ZNF804A: variants seen among roughly 807,000 people sequenced by gnomAD.
The protein encoded by ZNF804A is zinc finger protein 804A.
ZNF804A carries 2 observed loss-of-function variants against 16.5 expected under a neutral mutation model. That is an observed-to-expected ratio of 0.12 (90% confidence interval 0.05 to 0.38). The LOEUF (loss-of-function observed/expected upper bound fraction) is 0.38, where lower values mean the gene tolerates loss of function less well. Ranked by LOEUF, ZNF804A falls within the 10% of genes least tolerant of loss-of-function variation. The pLI is 0.99. For synonymous variants in ZNF804A, 534 were observed against 489.6 expected, an observed-to-expected ratio of 1.09 and a Z score of -1.20; for missense variants, 1,473 against 1,390.7, an observed-to-expected ratio of 1.06 and a Z score of -0.94.
intron 1 of ZNF804A, among the ~76,000 whole-genome samples, chr2:184,611,716 A>C (rs1001611099): frequency 1.3e-5 from 2 of 152,192 alleles, no homozygotes; most frequent in African/African-American, 2.4e-5. Flanking sequence ...ATAGTAATCA[A>C]CCATAGATTA....
intron 1 of ZNF804A, among the ~76,000 whole-genome samples, chr2:184,807,699 A>G (rs1246304032): frequency 1.3e-5 from 2 of 151,610 alleles, no homozygotes; most frequent in African/African-American, 4.8e-5. Context: ...TTTTTTTCCC[A>G]ATTGGTTTGA....
At chr2:184,711,309 G>C (rs887198258) in intron 1 of ZNF804A, among the ~76,000 whole-genome samples, 3 of 151,580 alleles carry the variant, frequency 2.0e-5, no homozygotes, top group Non-Finnish European at 4.4e-5. Flanking sequence ...TATTACTTTG[G>C]AGAACTGTTT....
At chr2:184,909,711 A>G (rs1407657306) in intron 2 of ZNF804A, among the ~76,000 whole-genome samples, 5 of 152,014 alleles carry the variant, frequency 3.3e-5, no homozygotes, top group Non-Finnish European at 7.4e-5. Flanking sequence ...TTTGTATTCA[A>G]TATGTAGAAT....
chr2:184,609,852 T>C (rs77509410), intron 1 of ZNF804A, among the ~76,000 whole-genome samples: 2,693 of 152,302 alleles, frequency 0.018, 58 homozygotes, highest in African/African-American at 0.061. Flanking sequence ...CACCCATCTG[T>C]ATTGTCTTGT....
chr2:184,691,412 A>G (rs1692722098), intron 1 of ZNF804A, among the ~76,000 whole-genome samples: 1 of 151,500 alleles, frequency 6.6e-6, no homozygotes, highest in African/African-American at 2.4e-5. Flanking sequence ...AAAATCATAT[A>G]TTCTATATAT....
chr2:184,849,468 G>T (rs185414210), intron 1 of ZNF804A, among the ~76,000 whole-genome samples: 1 of 151,876 alleles, frequency 6.6e-6, no homozygotes, highest in Non-Finnish European at 1.5e-5. Flanking sequence ...TAGGCTGCTA[G>T]TATTATATGA....
At chr2:184,903,045 G>C (rs1462240731) in intron 2 of ZNF804A, among the ~76,000 whole-genome samples, 1 of 152,136 alleles carries the variant, frequency 6.6e-6, no homozygotes, top group Non-Finnish European at 1.5e-5. Context: ...GTTCTTAAGA[G>C]AGTTTGTAGG....
chr2:184,738,999 G>T (rs917305984), intron 1 of ZNF804A, among the ~76,000 whole-genome samples: 14 of 152,228 alleles, frequency 9.2e-5, no homozygotes, highest in African/African-American at 3.4e-4. Context: ...ATAAACACAA[G>T]GTTGAAATTT....
chr2:184,831,310 T>A (rs1157686199), intron 1 of ZNF804A, among the ~76,000 whole-genome samples: 1 of 152,058 alleles, frequency 6.6e-6, no homozygotes, highest in Non-Finnish European at 1.5e-5. Flanking sequence ...TTACTCTGTG[T>A]GTGTGTGTCT....
chr2:184,875,134 A>C (rs1039921362), intron 2 of ZNF804A, among the ~76,000 whole-genome samples: 1 of 152,248 alleles, frequency 6.6e-6, no homozygotes, highest in Non-Finnish European at 1.5e-5. Context: ...ACTTTTTAAA[A>C]AGATGGAAGT....
intron 1 of ZNF804A, among the ~76,000 whole-genome samples, chr2:184,766,536 C>G (rs1054494428): frequency 1.3e-5 from 2 of 150,688 alleles, no homozygotes; most frequent in Non-Finnish European, 1.5e-5. Flanking sequence ...TACTTGGAAA[C>G]TAATAAGATT....
intron 1 of ZNF804A, among the ~76,000 whole-genome samples, chr2:184,721,255 T>C (rs927104903): frequency 1.3e-5 from 2 of 152,078 alleles, no homozygotes; most frequent in Non-Finnish European, 2.9e-5. Flanking sequence ...TGAGACTATA[T>C]TAAACCAAAA....
chr2:184,756,403 A>G (rs1693959725), intron 1 of ZNF804A, among the ~76,000 whole-genome samples: 1 of 151,946 alleles, frequency 6.6e-6, no homozygotes, highest in Non-Finnish European at 1.5e-5. Context: ...AAATTTTATA[A>G]TGAATATGTT....
intron 1 of ZNF804A, among the ~76,000 whole-genome samples, chr2:184,740,143 C>A (rs1399602334): frequency 6.6e-6 from 1 of 152,188 alleles, no homozygotes; most frequent in Non-Finnish European, 1.5e-5. Flanking sequence ...TACTGTGCCA[C>A]ATTAGTGCTT....
chr2:184,814,634 T>A (rs1405395070), intron 1 of ZNF804A, among the ~76,000 whole-genome samples: 1 of 152,034 alleles, frequency 6.6e-6, no homozygotes, highest in Non-Finnish European at 1.5e-5. Flanking sequence ...GTTTCTGGCT[T>A]TCAAGAGCTG....
At chr2:184,840,942 A>G (rs984501853) in intron 1 of ZNF804A, among the ~76,000 whole-genome samples, 1 of 152,260 alleles carries the variant, frequency 6.6e-6, no homozygotes, top group African/African-American at 2.4e-5. Context: ...TTTACTTAAC[A>G]TTAGGAGAAA....
intron 1 of ZNF804A, among the ~76,000 whole-genome samples, chr2:184,625,914 G>A (rs1691488080): frequency 6.6e-6 from 1 of 152,036 alleles, no homozygotes; most frequent in South Asian, 2.1e-4. Context: ...TGTCGCCCAG[G>A]CTGGAGTGCA....
At chr2:184,756,981 G>A (rs1481365286) in intron 1 of ZNF804A, among the ~76,000 whole-genome samples, 1 of 151,886 alleles carries the variant, frequency 6.6e-6, no homozygotes, top group East Asian at 1.9e-4. Context: ...ATTTTATGTA[G>A]GTTTAATCAG....
intron 2 of ZNF804A, among the ~76,000 whole-genome samples, chr2:184,891,838 T>C (rs1684988088): frequency 6.6e-6 from 1 of 152,214 alleles, no homozygotes; most frequent in Non-Finnish European, 1.5e-5. Context: ...ATCTAAAAGC[T>C]CATTAATTTA....
Sources: allele counts gnomAD v4.1 joint callset (sites outside exome capture counted in the v4.1 genomes callset), GRCh38; gene constraint gnomAD v4.1.1; transcripts MANE v1.5; gene names NCBI Gene and HGNC (gene_info 2026-07-23, HGNC 2026-07-21).